Variants in NKAIN3 observed in about 807,000 individuals in gnomAD.
NKAIN3 encodes the protein sodium/potassium transporting ATPase interacting 3.
Under a neutral mutation model 30.2 loss-of-function variants are expected in NKAIN3, and 25 were observed. That is an observed-to-expected ratio of 0.83 (90% CI 0.60 to 1.16). NKAIN3 has a LOEUF of 1.16. NKAIN3 is among the 50% of genes most tolerant of loss of function. NKAIN3 has a pLI of 0.00. For missense variants in NKAIN3, 225 were observed against 254.1 expected (o/e 0.89, Z 0.78); for synonymous variants, 91 against 89.6 (o/e 1.02, Z -0.09).
chr8:62,335,017 A>G (rs1016804655), intron 1 of NKAIN3, among the ~76,000 whole-genome samples: 1 of 152,122 alleles, frequency 6.6e-6, no homozygotes, highest in Admixed American at 6.6e-5. Flanking sequence ...CATAGCTTCC[A>G]TAATACTGTT....
rs550666217 is a variant in NKAIN3, at chr8:62,921,069, A to T, written c.532+2556A>T. Among the ~76,000 whole-genome samples the T allele has an allele frequency of 4.6e-5, 7 of 152,284 alleles. No individual in the cohort carries two copies. In the South Asian group the frequency reaches 1.4e-3, roughly 32 times the overall value. ...ATACACTAGTACTATTTGTGCCAACACTTAGCTTTTAGGTGCAAAAATGAA... is the reference window on the plus strand; with the variant it reads ...ATACACTAGTACTATTTGTGCCAACTCTTAGCTTTTAGGTGCAAAAATGAA... On this transcript the variant is annotated intron_variant, in intron 5 of 6. Coordinates refer to ENST00000623646, the MANE Select transcript of NKAIN3 (RefSeq NM_001304533.3).
In NKAIN3 at chr8:62,983,357, G is replaced by A. The variant is rs1563654602; in HGVS notation, c.*17950G>A. The stretch of plus-strand genomic sequence containing the variant: ...GCTCTGCACAAGCCGGGCTCTGATA[G>A]GAGGTGCCAGTGCTTTTCTTCTTCC... On this transcript the variant is annotated 3_prime_UTR_variant, in exon 7 of 7. Coordinates refer to ENST00000623646, the MANE Select transcript of NKAIN3 (RefSeq NM_001304533.3). 2 of 152,228 alleles carry A rather than the reference G, an allele frequency of 1.3e-5. No individual in the cohort carries two copies. The highest frequency in any genetic ancestry group is 4.2e-4 in the South Asian group (2 of 4,812). The allele number at this position is 152,228 out of a possible 1,614,324, so 9.4% of individuals were successfully genotyped here.
chr8:62,654,695 A>T (rs1300267434), intron 3 of NKAIN3, among the ~76,000 whole-genome samples: 1 of 152,188 alleles, frequency 6.6e-6, no homozygotes, highest in African/African-American at 2.4e-5. Flanking sequence ...TCACATGAAG[A>T]TATACTAAAG....
chr8:62,858,262 G>C (rs1427417099), intron 4 of NKAIN3, among the ~76,000 whole-genome samples: 5 of 151,894 alleles, frequency 3.3e-5, no homozygotes, highest in African/African-American at 1.2e-4. Context: ...CGGACCTGTT[G>C]CCAGGCCAAA....
rs1823691050 is a variant in NKAIN3 at position 62,965,632 on chromosome 8, A to AAAG, written c.*227_*228insGAA. On this transcript the variant is annotated 3_prime_UTR_variant, in exon 7 of 7. Transcript: ENST00000623646. ...CACTTGTAAGTTGTAAAAAAAAAAA[A>AAAG]AAAAGAAAAAACAGAATTTGGTTTT... is the stretch of plus-strand genomic sequence containing the variant. The AAAG allele has an allele frequency of 6.2e-6, 6 of 972,882 alleles. No individual in the cohort carries two copies. The highest frequency in any genetic ancestry group is 6.1e-6 in the Non-Finnish European group (5 of 823,490). The allele number at this position is 972,882 out of a possible 1,614,324, so 60.3% of individuals were successfully genotyped here. A position where few individuals can be genotyped will look rare whatever the true frequency, so the allele number is the denominator to read the frequency against.
At chr8:62,889,304 A>G (rs1031327018) in intron 4 of NKAIN3, among the ~76,000 whole-genome samples, 1 of 152,110 alleles carries the variant, frequency 6.6e-6, no homozygotes, top group African/African-American at 2.4e-5. Flanking sequence ...TGGGAGGCGG[A>G]GGTTACAGTG....
intron 1 of NKAIN3, among the ~76,000 whole-genome samples, chr8:62,338,216 AT>A (rs1815630107): frequency 6.6e-6 from 1 of 152,044 alleles, no homozygotes; most frequent in Admixed American, 6.6e-5. Flanking sequence ...TGAAAAGTTT[AT>A]AATTTTTCTC....
Position 62,868,604 on chromosome 8 carries a change from C to T in NKAIN3, c.472-49849C>T, listed in dbSNP as rs998341814. 6.6e-5 allele frequency among the ~76,000 whole-genome samples: 10 copies of T among 152,158 alleles called. No individual in the cohort carries two copies. The East Asian group carries it at 1.3e-3, about 20-fold the overall frequency. On this transcript the variant is annotated intron_variant, in intron 4 of 6. Coordinates refer to ENST00000623646, the MANE Select transcript of NKAIN3 (RefSeq NM_001304533.3). ...AGTGTACTGAATAGTCGGCCCTGTGCTTTGGGACCCTGTTGTGATAATGCC... is the reference window on the plus strand; with the variant it reads ...AGTGTACTGAATAGTCGGCCCTGTGTTTTGGGACCCTGTTGTGATAATGCC...
At chr8:62,676,693 G>A (rs1249036927) in intron 3 of NKAIN3, among the ~76,000 whole-genome samples, 1 of 151,740 alleles carries the variant, frequency 6.6e-6, no homozygotes, top group Non-Finnish European at 1.5e-5. Flanking sequence ...CCCAACTGTG[G>A]TGTAGTATAT....
At chr8:62,990,395 A>T in intron 5 of NKAIN3, 2 of 1,218,980 alleles carry the variant, frequency 1.6e-6, no homozygotes, top group Admixed American at 4.3e-5. Context: ...TATGAAAAGC[A>T]TAGGTTTTTT....
At chr8:62,451,411 T>A (rs1805638561) in intron 1 of NKAIN3, among the ~76,000 whole-genome samples, 1 of 151,566 alleles carries the variant, frequency 6.6e-6, no homozygotes, top group South Asian at 2.1e-4. Flanking sequence ...TCAGATAGCC[T>A]TTTGTCAAAT....
intron 1 of NKAIN3, among the ~76,000 whole-genome samples, chr8:62,358,963 C>T (rs1209113036): frequency 9.9e-5 from 15 of 152,080 alleles, no homozygotes; most frequent in African/African-American, 3.6e-4. Context: ...GGGTGGATCA[C>T]GAGGTCAGGA....
At chr8:62,816,638 C>T (rs1351668757) in intron 4 of NKAIN3, among the ~76,000 whole-genome samples, 1 of 152,080 alleles carries the variant, frequency 6.6e-6, no homozygotes, top group Non-Finnish European at 1.5e-5. Flanking sequence ...GTGTAGAGTG[C>T]TATGTGGGCT....
chr8:62,651,973 G>A (rs1413127247), intron 3 of NKAIN3, among the ~76,000 whole-genome samples: 1 of 152,096 alleles, frequency 6.6e-6, no homozygotes, highest in Non-Finnish European at 1.5e-5. Flanking sequence ...AGAACCATAA[G>A]CCAGAAAAAC....
intron 3 of NKAIN3, among the ~76,000 whole-genome samples, chr8:62,741,381 A>C (rs536393936): frequency 0.013 from 1,773 of 139,964 alleles, 28 homozygotes; most frequent in East Asian, 0.05. Context: ...GAAGGAAGGA[A>C]GGAAGGAAGG....
At chr8:62,843,635 C>G (rs1819593718) in intron 4 of NKAIN3, among the ~76,000 whole-genome samples, 1 of 152,022 alleles carries the variant, frequency 6.6e-6, no homozygotes, top group South Asian at 2.1e-4. Flanking sequence ...ATGGCCGGCC[C>G]CTGCTGACAT....
At chr8:62,456,296 C>T (rs1032818174) in intron 1 of NKAIN3, among the ~76,000 whole-genome samples, 1 of 151,990 alleles carries the variant, frequency 6.6e-6, no homozygotes, top group Non-Finnish European at 1.5e-5. Flanking sequence ...CCGACGTGGG[C>T]GGATCACGAG....
intron 1 of NKAIN3, among the ~76,000 whole-genome samples, chr8:62,428,354 T>C (rs1027157288): frequency 6.6e-6 from 1 of 151,956 alleles, no homozygotes; most frequent in African/African-American, 2.4e-5. Flanking sequence ...TTTGAATACG[T>C]ACCCAGAAGT....
intron 1 of NKAIN3, among the ~76,000 whole-genome samples, chr8:62,578,246 A>T (rs1399803520): frequency 6.6e-6 from 1 of 152,138 alleles, no homozygotes; most frequent in Non-Finnish European, 1.5e-5. Flanking sequence ...TTTGGTATTC[A>T]CTGGACCATA....
Sources: gnomAD v4.1 joint callset for allele counts (sites outside exome capture counted in the v4.1 genomes callset) on GRCh38, gnomAD v4.1.1 for gene constraint, MANE v1.5 for transcripts, NCBI Gene and HGNC (gene_info 2026-07-23, HGNC 2026-07-21) for gene names.